The following PTPRT variants were observed in gnomAD, a reference collection of about 807,000 sequenced individuals.
PTPRT encodes the protein protein tyrosine phosphatase receptor type T.
PTPRT carries 56 observed loss-of-function variants against 176.8 expected under a neutral mutation model. The ratio of observed to expected loss-of-function variants is 0.32; its 90% CI spans 0.26 to 0.40. The LOEUF is 0.40. Among genes scored for constraint, PTPRT ranks in the 10% least tolerant of loss-of-function variants. The pLI is 1.00. For missense variants in PTPRT, 1,540 were observed against 1,908.2 expected (o/e 0.81, Z 3.60); for synonymous variants, 783 against 739.0 (o/e 1.06, Z -0.96).
chr20:42,771,330 G>A, intron 5 of PTPRT, 105 bp downstream of exon 5: 1 of 1,000,878 alleles, frequency 1.0e-6, no homozygotes, highest in Non-Finnish European at 1.5e-6. Context: ...CCCTCTGCAT[G>A]TCTTTGTTCA....
chr20:42,665,233 G>A (rs1368890622), intron 7 of PTPRT, among the ~76,000 whole-genome samples: 1 of 152,006 alleles, frequency 6.6e-6, no homozygotes, highest in African/African-American at 2.4e-5. Context: ...AATCTACAAT[G>A]AACTCAAACA....
At chr20:42,817,651 A>G (rs2077812802) in intron 2 of PTPRT, among the ~76,000 whole-genome samples, 1 of 152,112 alleles carries the variant, frequency 6.6e-6, no homozygotes, top group Admixed American at 6.5e-5. Context: ...TCTTTTCAAT[A>G]TTTTTGGCTT....
At chr20:43,185,842 G>T (rs1416283871) in intron 1 of PTPRT, among the ~76,000 whole-genome samples, 1 of 151,994 alleles carries the variant, frequency 6.6e-6, no homozygotes, top group African/African-American at 2.4e-5. Context: ...GGAGGCAGGA[G>T]AATTGCTTGA....
At chr20:42,628,827 T>C (rs1429117633) in intron 7 of PTPRT, among the ~76,000 whole-genome samples, 2 of 152,160 alleles carry the variant, frequency 1.3e-5, no homozygotes, top group African/African-American at 4.8e-5. Context: ...TATGACACAA[T>C]TTCAGCAGAG....
intron 6 of PTPRT, chr20:42,686,457 C>CTTTTTTTTTTTTTT (rs71193668): frequency 3.8e-5 from 3 of 78,314 alleles, no homozygotes; most frequent in African/African-American, 1.1e-4. Flanking sequence ...ATAGTGCACT[C>CTTTTTTTTTTTTTT]TTTTTTTTTT....
chr20:42,415,639 G>A (rs1235491241), intron 9 of PTPRT, among the ~76,000 whole-genome samples: 3 of 152,192 alleles, frequency 2.0e-5, no homozygotes, highest in Non-Finnish European at 4.4e-5. Context: ...AAAAATGCTA[G>A]CATAGGACTT....
At chr20:42,879,015 C>T (rs1022327793) in intron 2 of PTPRT, among the ~76,000 whole-genome samples, 8 of 152,018 alleles carry the variant, frequency 5.3e-5, no homozygotes, top group African/African-American at 1.9e-4. Context: ...GGCGACCGAG[C>T]GAGACTCCAT....
intron 1 of PTPRT, among the ~76,000 whole-genome samples, chr20:43,142,321 T>C (rs2014035982): frequency 6.6e-6 from 1 of 152,228 alleles, no homozygotes; most frequent in African/African-American, 2.4e-5. Flanking sequence ...AGAACCAGCC[T>C]GGCCACAGGG....
At chr20:42,696,502 C>T (rs2075881206) in intron 6 of PTPRT, among the ~76,000 whole-genome samples, 1 of 150,022 alleles carries the variant, frequency 6.7e-6, no homozygotes, top group Non-Finnish European at 1.5e-5. Context: ...GTCGCCCAGG[C>T]TGGAGTGCAG....
At chr20:42,531,632 A>C (rs754776683) in intron 7 of PTPRT, among the ~76,000 whole-genome samples, 2 of 152,326 alleles carry the variant, frequency 1.3e-5, no homozygotes, top group South Asian at 2.1e-4. Context: ...CTGTCAGTGG[A>C]ATTCAGACTA....
chr20:42,041,925 C>T, the PTPRT span, among the ~76,000 whole-genome samples: 1 of 152,136 alleles, frequency 6.6e-6, no homozygotes, highest in African/African-American at 2.4e-5. Context: ...GCCCTAGCTT[C>T]AATCCCTATT....
intron 1 of PTPRT, among the ~76,000 whole-genome samples, chr20:42,932,333 G>C (rs1208248740): frequency 6.6e-6 from 1 of 152,252 alleles, no homozygotes; most frequent in East Asian, 1.9e-4. Context: ...TCTAGACCAA[G>C]AGATCAGGGT....
chr20:42,182,905 G>GA, intron 16 of PTPRT, among the ~76,000 whole-genome samples: 1 of 83,014 alleles, frequency 1.2e-5, no homozygotes, highest in East Asian at 4.9e-4. Flanking sequence ...CCTACAAGCA[G>GA]GGGTGTGTGT....
intron 14 of PTPRT, among the ~76,000 whole-genome samples, chr20:42,244,333 C>T (rs2056410585): frequency 1.3e-5 from 2 of 152,134 alleles, no homozygotes; most frequent in African/African-American, 4.8e-5. Flanking sequence ...CATATTTATA[C>T]TCAAGACACT....
chr20:42,957,534 A>C (rs1001401342), intron 1 of PTPRT, among the ~76,000 whole-genome samples: 7 of 152,112 alleles, frequency 4.6e-5, no homozygotes, highest in Non-Finnish European at 7.4e-5. Context: ...AAATCTTCTG[A>C]TTCTTCCACA....
At chr20:42,209,072 C>G (rs771031867) in intron 15 of PTPRT, among the ~76,000 whole-genome samples, 2 of 152,016 alleles carry the variant, frequency 1.3e-5, no homozygotes, top group Non-Finnish European at 2.9e-5. Flanking sequence ...AATGAAGGCA[C>G]AAAGAAAGAT....
chr20:42,072,642 T>C (rs754390304), downstream of PTPRT: 2 of 179,656 alleles, frequency 1.1e-5, no homozygotes, highest in Non-Finnish European at 2.4e-5. Flanking sequence ...TTTCCTGTGA[T>C]GTAAGGATTA....
the PTPRT span, among the ~76,000 whole-genome samples, chr20:42,031,935 G>A: frequency 1.1e-3 from 172 of 152,124 alleles, no homozygotes; most frequent in Middle Eastern, 0.01. Context: ...GTAAATCTTC[G>A]CAACACTGTG....
intron 1 of PTPRT, among the ~76,000 whole-genome samples, chr20:43,057,904 A>C (rs540299081): frequency 6.6e-6 from 1 of 152,348 alleles, no homozygotes; most frequent in South Asian, 2.1e-4. Context: ...GTCAGGAGCC[A>C]AGTCAGTTTT....
Sources: allele counts gnomAD v4.1 joint callset (sites outside exome capture counted in the v4.1 genomes callset), GRCh38; gene constraint gnomAD v4.1.1; transcripts MANE v1.5; gene names NCBI Gene and HGNC (gene_info 2026-07-23, HGNC 2026-07-21).